Variants in KALRN observed in about 807,000 individuals in gnomAD.
The protein encoded by KALRN is kalirin.
Under a neutral mutation model 353.7 loss-of-function variants are expected in KALRN, and 70 were observed. The ratio of observed to expected loss-of-function variants is 0.20; its 90% CI spans 0.16 to 0.24. KALRN has a LOEUF of 0.24. Among genes scored for constraint, KALRN ranks in the 10% least tolerant of loss-of-function variants. KALRN has a pLI of 1.00. For missense variants in KALRN, 2,791 were observed against 3,756.7 expected (o/e 0.74, Z 6.72); for synonymous variants, 1,391 against 1,434.8 (o/e 0.97, Z 0.69).
intron 1 of KALRN, among the ~76,000 whole-genome samples, chr3:124,071,810 G>A (rs549348391): frequency 1.3e-5 from 2 of 152,144 alleles, no homozygotes; most frequent in Non-Finnish European, 2.9e-5. Context: ...CTGAACCATA[G>A]CTCTCTTCAT....
At chr3:124,620,800 C>T (rs2079179917) in intron 34 of KALRN, among the ~76,000 whole-genome samples, 1 of 152,194 alleles carries the variant, frequency 6.6e-6, no homozygotes, top group Non-Finnish European at 1.5e-5. Context: ...GGGCTTTCCT[C>T]CCTCTGTCTC....
At chr3:124,208,801 T>TA (rs1389930828) in intron 1 of KALRN, among the ~76,000 whole-genome samples, 7 of 151,836 alleles carry the variant, frequency 4.6e-5, no homozygotes, top group African/African-American at 1.7e-4. Context: ...CCCATCTCTA[T>TA]AAAAAATTTA....
intron 11 of KALRN, among the ~76,000 whole-genome samples, chr3:124,389,666 G>A (rs1252394548): frequency 6.6e-6 from 1 of 152,118 alleles, no homozygotes; most frequent in African/African-American, 2.4e-5. Flanking sequence ...AAATCACATT[G>A]CCGAAGATTA....
chr3:124,255,986 CA>C (rs995297595), intron 3 of KALRN, among the ~76,000 whole-genome samples: 1 of 152,094 alleles, frequency 6.6e-6, no homozygotes, highest in Non-Finnish European at 1.5e-5. Context: ...AGAGGATGAT[CA>C]GGCAATAATG....
At chr3:124,039,915 T>C (rs1394033809) in intron 1 of KALRN, among the ~76,000 whole-genome samples, 1 of 152,158 alleles carries the variant, frequency 6.6e-6, no homozygotes, top group Non-Finnish European at 1.5e-5. Context: ...TTCAGGAGCC[T>C]TTGGGGGAGT....
chr3:124,679,831 A>T (rs1420971847), intron 51 of KALRN: 1 of 410,696 alleles, frequency 2.4e-6, no homozygotes, highest in Non-Finnish European at 4.6e-6. Context: ...CTTAGAACAC[A>T]TTTTTTCATG....
chr3:124,456,500 T>C, intron 22 of KALRN, 110 bp from the exon 23 acceptor site: 1 of 667,492 alleles, frequency 1.5e-6, no homozygotes, highest in Non-Finnish European at 2.7e-6. Flanking sequence ...CTCATGTTTT[T>C]ATCCTTCTCC....
intron 9 of KALRN, among the ~76,000 whole-genome samples, chr3:124,338,602 T>C (rs1310542860): frequency 6.6e-6 from 1 of 152,222 alleles, no homozygotes. Flanking sequence ...CTGAGAAGAA[T>C]GTATATTCTG....
chr3:124,259,544 G>T (rs1039638258), intron 3 of KALRN, among the ~76,000 whole-genome samples: 1 of 152,148 alleles, frequency 6.6e-6, no homozygotes, highest in Non-Finnish European at 1.5e-5. Flanking sequence ...TACATTGTGG[G>T]AACTGAGGCA....
chr3:124,382,470 A>G (rs1456941164), intron 10 of KALRN, among the ~76,000 whole-genome samples: 1 of 152,196 alleles, frequency 6.6e-6, no homozygotes, highest in African/African-American at 2.4e-5. Context: ...TATTATAGCA[A>G]TCAGCCATCC....
intron 10 of KALRN, among the ~76,000 whole-genome samples, chr3:124,375,187 A>C (rs1278292868): frequency 6.6e-6 from 1 of 152,168 alleles, no homozygotes; most frequent in Non-Finnish European, 1.5e-5. Flanking sequence ...TCCGAGCAGC[A>C]ATATGAATAC....
intron 17 of KALRN, among the ~76,000 whole-genome samples, chr3:124,437,235 A>G (rs1268139474): frequency 2.0e-5 from 3 of 152,190 alleles, no homozygotes; most frequent in Admixed American, 6.5e-5. Context: ...AGATCTTCTC[A>G]TGTGATGCTA....
intron 10 of KALRN, among the ~76,000 whole-genome samples, chr3:124,382,783 C>G (rs2087590849): frequency 6.6e-6 from 1 of 152,150 alleles, no homozygotes; most frequent in African/African-American, 2.4e-5. Flanking sequence ...TCTCTCCCAT[C>G]AGCTGTGGGC....
intron 10 of KALRN, among the ~76,000 whole-genome samples, chr3:124,371,397 G>A (rs1235892142): frequency 4.6e-5 from 7 of 152,180 alleles, no homozygotes; most frequent in Admixed American, 4.6e-4. Flanking sequence ...GTAAACATGA[G>A]AGTGAAGACA....
intron 22 of KALRN, 51 bp downstream of exon 22, chr3:124,455,410 G>C: frequency 6.5e-7 from 1 of 1,537,312 alleles, no homozygotes; most frequent in Non-Finnish European, 9.0e-7. Context: ...ATCTCCCTGA[G>C]CACCACTGCC....
chr3:124,671,086 C>T (rs1003209741), intron 47 of KALRN, among the ~76,000 whole-genome samples: 53 of 152,176 alleles, frequency 3.5e-4, no homozygotes, highest in African/African-American at 1.1e-3. Flanking sequence ...TCATCCTCTC[C>T]AGTCCCTCCT....
chr3:124,039,644 T>G (rs563694553), intron 1 of KALRN, among the ~76,000 whole-genome samples: 1 of 152,332 alleles, frequency 6.6e-6, no homozygotes, highest in African/African-American at 2.4e-5. Context: ...GAAGGGAGAT[T>G]TGGGAATAAC....
At chr3:124,405,638 G>GTTTTTTTTTTTTTT (rs71145451) in intron 13 of KALRN, among the ~76,000 whole-genome samples, 2 of 83,868 alleles carry the variant, frequency 2.4e-5, no homozygotes, top group Admixed American at 1.5e-4. Flanking sequence ...GGACCTCAGG[G>GTTTTTTTTTTTTTT]TTTTTTTTTT....
At position 124,334,613 on chromosome 3, in the gene KALRN, A is replaced by G. The variant is rs2080935205; in HGVS notation, c.1647+118A>G. On this transcript the variant is annotated intron_variant, in intron 9 of 59. Transcript: ENST00000682506. The surrounding 1 kb of genome is among the most constrained non-coding windows in gnomAD (Gnocchi z 4.2). ...CAGATTTATAGAAGGACATAATGAA[A>G]TTCAGCTCTCAACTGCTCCACAGAA... 2 of 682,898 alleles carry G rather than the reference A, an allele frequency of 2.9e-6. No homozygotes were observed. The highest frequency in any genetic ancestry group is 5.0e-6 in the Non-Finnish European group (2 of 396,946). 42.3% of individuals were successfully genotyped at this position (682,898 alleles called of 1,614,324 possible). A position where few individuals can be genotyped will look rare whatever the true frequency, so the allele number is the denominator to read the frequency against.
Sources: allele counts gnomAD v4.1 joint callset (sites outside exome capture counted in the v4.1 genomes callset), GRCh38; gene constraint gnomAD v4.1.1; non-coding constraint Gnocchi (gnomAD v3.1); transcripts MANE v1.5; gene names NCBI Gene and HGNC (gene_info 2026-07-23, HGNC 2026-07-21).